The following RASGEF1B variants were observed in gnomAD, a reference collection of about 807,000 sequenced individuals.
RASGEF1B encodes the protein ras-GEF domain-containing family member 1B.
A neutral mutation model predicts 65.7 loss-of-function variants in RASGEF1B; 30 were observed. The ratio of observed to expected loss-of-function variants is 0.46; its 90% CI spans 0.34 to 0.62. The LOEUF is 0.62. Among genes scored for constraint, RASGEF1B ranks in the 20% least tolerant of loss-of-function variants. The pLI is 0.01. For synonymous variants in RASGEF1B, 175 were observed against 194.8 expected, an observed-to-expected ratio of 0.90 and a Z score of 0.85; for missense variants, 495 against 580.1, an observed-to-expected ratio of 0.85 and a Z score of 1.51.
At chr4:81,441,122 T>A (rs957066402) in intron 9 of RASGEF1B, among the ~76,000 whole-genome samples, 193 bp from the exon 10 acceptor site, 2 of 152,224 alleles carry the variant, frequency 1.3e-5, no homozygotes, top group African/African-American at 4.8e-5. Context: ...TTTGGTGTAA[T>A]TATGCGAGCT....
chr4:81,438,972 T>C (rs1361478993), intron 10 of RASGEF1B, among the ~76,000 whole-genome samples: 4 of 152,154 alleles, frequency 2.6e-5, no homozygotes, highest in Non-Finnish European at 5.9e-5. Flanking sequence ...CAGTCTATCA[T>C]TGATGGGCAT....
chr4:81,463,500 CA>C (rs943385017), intron 1 of RASGEF1B, among the ~76,000 whole-genome samples: 1 of 151,696 alleles, frequency 6.6e-6, no homozygotes, highest in African/African-American at 2.4e-5. Flanking sequence ...AGATTTCCGG[CA>C]AAAAAAATTT....
intron 10 of RASGEF1B, among the ~76,000 whole-genome samples, chr4:81,440,150 T>A (rs1420422054): frequency 6.6e-6 from 1 of 152,204 alleles, no homozygotes; most frequent in African/African-American, 2.4e-5. Flanking sequence ...TAACTAAGTA[T>A]TCACCTCTCA....
chr4:81,461,072 TTAAA>T (rs1256703901), intron 1 of RASGEF1B, among the ~76,000 whole-genome samples: 3 of 152,350 alleles, frequency 2.0e-5, no homozygotes, highest in East Asian at 1.9e-4. Flanking sequence ...GGAACTGCAG[TTAAA>T]TAAATAAATT....
chr4:81,431,371 T>C (rs914225300), intron 13 of RASGEF1B, among the ~76,000 whole-genome samples: 1 of 151,976 alleles, frequency 6.6e-6, no homozygotes, highest in African/African-American at 2.4e-5. Context: ...TTCTTTATGT[T>C]TGTGTCTGGG....
chr4:81,427,925 A>C, intron 13 of RASGEF1B, 133 bp from the exon 14 acceptor site: 4 of 903,540 alleles, frequency 4.4e-6, no homozygotes, highest in Non-Finnish European at 6.4e-6. Context: ...AAACCAGGAA[A>C]AAAAAAATCA....
intron 10 of RASGEF1B, among the ~76,000 whole-genome samples, chr4:81,438,173 G>T (rs779121318): frequency 1.3e-5 from 2 of 152,098 alleles, no homozygotes; most frequent in African/African-American, 4.8e-5. Flanking sequence ...TATGAGAAAT[G>T]GTTAAAAACC....
chr4:81,448,873 G>C (rs1432772254), intron 4 of RASGEF1B, among the ~76,000 whole-genome samples: 1 of 152,110 alleles, frequency 6.6e-6, no homozygotes, highest in Non-Finnish European at 1.5e-5. Flanking sequence ...GGAGTGCAGT[G>C]ACGTGATCTT....
chr4:81,449,364 GTAGTTTAGA>G (rs1298312986), intron 4 of RASGEF1B, among the ~76,000 whole-genome samples: 1 of 152,208 alleles, frequency 6.6e-6, no homozygotes, highest in Non-Finnish European at 1.5e-5. Flanking sequence ...AGCACTGCAT[GTAGTTTAGA>G]TAACTGTCAA....
At chr4:81,453,139 T>C (rs142822780) in intron 4 of RASGEF1B, 1 of 152,222 alleles carries the variant, frequency 6.6e-6, no homozygotes, top group South Asian at 2.1e-4. Context: ...GACTCATTCA[T>C]TCAAACACTA....
At chr4:81,456,529 G>C (rs1054296277) in intron 4 of RASGEF1B, 122 bp downstream of exon 4, 2 of 979,208 alleles carry the variant, frequency 2.0e-6, no homozygotes, top group African/African-American at 3.2e-5. Flanking sequence ...GTGATGTGGA[G>C]GGCTTGCCCA....
chr4:81,435,328 G>A (rs985759806), intron 10 of RASGEF1B, among the ~76,000 whole-genome samples: 17 of 149,048 alleles, frequency 1.1e-4, no homozygotes, highest in Non-Finnish European at 1.9e-4. Flanking sequence ...GGAGAATGGC[G>A]TGAACCCGGG....
intron 1 of RASGEF1B, among the ~76,000 whole-genome samples, chr4:81,464,402 A>ATTTTT (rs1425164132): frequency 6.6e-6 from 1 of 152,240 alleles, no homozygotes; most frequent in Non-Finnish European, 1.5e-5. Context: ...AAAAAAAGAG[A>ATTTTT]TTTGTATGAG....
In RASGEF1B at chr4:81,448,216, C is replaced by T. The variant is rs1219817150; in HGVS notation, c.507G>A (p.Gln169=). The change falls in exon 5 of 14, where the codon CAG becomes CAA. Residue 169 remains glutamine (Q), a synonymous_variant. Coordinates refer to ENST00000264400, the MANE Select transcript of RASGEF1B (RefSeq NM_152545.3). ...CLIRKLAALS[Q]YEEVLAKISS... is the part of the protein sequence containing the mutation. Reference sequence around the variant, plus strand: ...TGATTTTTGCCAGGACTTCTTCGTACTGGCTGAGCGCAGCAAGCTTGCGGA... The same window carrying T: ...TGATTTTTGCCAGGACTTCTTCGTATTGGCTGAGCGCAGCAAGCTTGCGGA... The T allele has an allele frequency of 6.2e-7, 1 of 1,613,852 alleles. No individual in the cohort carries two copies. The highest frequency in any genetic ancestry group is 8.5e-7 in the Non-Finnish European group (1 of 1,180,026).
At chr4:81,442,583 G>A (rs1007502903) in intron 8 of RASGEF1B, among the ~76,000 whole-genome samples, 2 of 152,202 alleles carry the variant, frequency 1.3e-5, no homozygotes, top group African/African-American at 2.4e-5. Flanking sequence ...CTGTGCAGAG[G>A]TGAATACATT....
chr4:81,455,730 C>A lies in RASGEF1B; in HGVS notation c.438+921G>T, dbSNP rs1722420448. 4 of 152,182 alleles carry A rather than the reference C, an allele frequency of 2.6e-5. No homozygotes were observed. In the South Asian group the frequency reaches 8.3e-4, roughly 32 times the overall value. The allele number at this position is 152,182 out of a possible 1,614,324, so 9.4% of individuals were successfully genotyped here. ...AAGGATAACCTTGAATTTGTCACAG[C>A]TAGTAGTTAGTGCTTATCAAAGGCT... On this transcript the variant is annotated intron_variant, in intron 4 of 13. Transcript: ENST00000264400.
At chr4:81,430,856 G>GA (rs1407770346) in intron 13 of RASGEF1B, among the ~76,000 whole-genome samples, 1 of 152,098 alleles carries the variant, frequency 6.6e-6, no homozygotes, top group Non-Finnish European at 1.5e-5. Flanking sequence ...GGTAGGTCTG[G>GA]ATTAATTTAA....
At chr4:81,454,002 C>A (rs1469862014) in intron 4 of RASGEF1B, 1 of 152,222 alleles carries the variant, frequency 6.6e-6, no homozygotes, top group African/African-American at 2.4e-5. Flanking sequence ...CTCCACTCAA[C>A]CCTTAGTTTA....
At chr4:81,438,628 T>A (rs1329869476) in intron 10 of RASGEF1B, among the ~76,000 whole-genome samples, 2 of 152,224 alleles carry the variant, frequency 1.3e-5, no homozygotes, top group Admixed American at 1.3e-4. Context: ...TAGGTATACA[T>A]GTGTCATGGT....
Sources: gnomAD v4.1 joint callset for allele counts (sites outside exome capture counted in the v4.1 genomes callset) on GRCh38, gnomAD v4.1.1 for gene constraint, MANE v1.5 for transcripts, NCBI Gene and HGNC (gene_info 2026-07-23, HGNC 2026-07-21) for gene names.